Variants in POLR1B observed in about 807,000 individuals in gnomAD.
The protein encoded by POLR1B is DNA-directed RNA polymerase I subunit RPA2.
Under a neutral mutation model 105.8 loss-of-function variants are expected in POLR1B, and 30 were observed. The observed-to-expected ratio is 0.28, with a 90% CI of 0.21 to 0.38. The LOEUF is 0.38. POLR1B is among the 10% of genes least tolerant of loss of function. POLR1B has a pLI of 1.00. For missense variants in POLR1B, 976 were observed against 1,435.8 expected (o/e 0.68, Z 5.17); for synonymous variants, 485 against 505.1 (o/e 0.96, Z 0.53).
In POLR1B at chr2:112,555,605, T is replaced by C. The variant is rs953556085; in HGVS notation, c.1159-2305T>C. 2.0e-5 allele frequency among the ~76,000 whole-genome samples: 3 copies of C among 152,308 alleles called. No homozygotes were observed. The Middle Eastern group carries it at 0.01, about 518-fold the overall frequency. On this transcript the variant is annotated intron_variant, in intron 7 of 14. Transcript: ENST00000263331. ...CGGCGGAGGATGCAGTGTGCTGTGATCACGCCAGTGCACTCCAGCCTAAGT... is the reference window on the plus strand; with the variant it reads ...CGGCGGAGGATGCAGTGTGCTGTGACCACGCCAGTGCACTCCAGCCTAAGT...
At chr2:112,545,083 GT>G (rs1280902194) in intron 1 of POLR1B, among the ~76,000 whole-genome samples, 1 of 152,136 alleles carries the variant, frequency 6.6e-6, no homozygotes, top group African/African-American at 2.4e-5. Flanking sequence ...TTAGTGCCGT[GT>G]TTTGTGCTTT....
intron 14 of POLR1B, 61 bp from the exon 15 acceptor site, chr2:112,574,786 G>T: frequency 1.7e-4 from 166 of 999,956 alleles, no homozygotes; most frequent in Non-Finnish European, 2.2e-4. Flanking sequence ...TTATATCAAT[G>T]AAACTTATCT....
chr2:112,542,211 T>A, upstream of POLR1B: 1 of 1,535,500 alleles, frequency 6.5e-7, no homozygotes, highest in East Asian at 2.4e-5. Context: ...ACCTGCGGCA[T>A]CTTTCGCGAG....
At chr2:112,555,646 T>C (rs2104531594) in intron 7 of POLR1B, among the ~76,000 whole-genome samples, 1 of 152,336 alleles carries the variant, frequency 6.6e-6, no homozygotes, top group Middle Eastern at 3.4e-3. Flanking sequence ...AGCAAGACCC[T>C]GTCTCAACAG....
intron 8 of POLR1B, among the ~76,000 whole-genome samples, chr2:112,558,791 G>T (rs1683805970): frequency 6.6e-6 from 1 of 151,938 alleles, no homozygotes; most frequent in Non-Finnish European, 1.5e-5. Context: ...GCTAATTTTT[G>T]TATTTTTTGT....
At chr2:112,542,070 A>C, upstream of POLR1B, 1 of 1,527,218 alleles carries the variant, frequency 6.5e-7, no homozygotes, top group Non-Finnish European at 8.8e-7. Context: ...GGTCGGCATC[A>C]GCGTGGGACT....
At chr2:112,554,701 G>C (rs929487661) in intron 7 of POLR1B, 1 of 152,036 alleles carries the variant, frequency 6.6e-6, no homozygotes, top group African/African-American at 2.4e-5. Flanking sequence ...TTATAAATGT[G>C]TCTTTATTCC....
rs1335864824 is a variant in POLR1B at position 112,579,513 on chromosome 2, T to G, written c.*3784T>G. Reference sequence around the variant, plus strand: ...GGCTAGTCAAGTGAAGCAGTGGGAGTGGAAAAAGAACAAATAAATCTGTAA... The same window carrying G: ...GGCTAGTCAAGTGAAGCAGTGGGAGGGGAAAAAGAACAAATAAATCTGTAA... On this transcript the variant is annotated 3_prime_UTR_variant, in exon 15 of 15. Transcript: ENST00000263331. 6.6e-6 allele frequency: 1 copy of G among 151,882 alleles called. No homozygotes were observed. The highest frequency in any genetic ancestry group is 1.5e-5 in the Non-Finnish European group (1 of 68,004). 9.4% of individuals were successfully genotyped at this position (151,882 alleles called of 1,614,324 possible). A position where few individuals can be genotyped will look rare whatever the true frequency, so the allele number is the denominator to read the frequency against.
intron 12 of POLR1B, among the ~76,000 whole-genome samples, chr2:112,570,775 T>C (rs1376922464): frequency 1.5e-5 from 1 of 65,018 alleles, no homozygotes; most frequent in Non-Finnish European, 2.6e-5. Flanking sequence ...TTGTTTCTTT[T>C]TTTTTTCTTT....
In POLR1B at chr2:112,564,485, C is replaced by T. The variant is rs1485547381; in HGVS notation, c.1732C>T (p.Leu578Phe). 6.2e-7 allele frequency: 1 copy of T among 1,614,096 alleles called. No individual in the cohort carries two copies. Among genetic ancestry groups the T allele is most frequent in the South Asian group, 1.1e-5 (1 of 91,092 alleles). ...KDLAPGIADS[L>F]RHFKVLREKR... is the part of the protein sequence containing the mutation. ...TCTTGCTCCAGGCATCGCAGATTCTCTTCGTCATTTTAAGGTGGGCTTGAG... is the reference window on the plus strand; with the variant it reads ...TCTTGCTCCAGGCATCGCAGATTCTTTTCGTCATTTTAAGGTGGGCTTGAG... Residue 578 changes from leucine to phenylalanine, a missense_variant, in exon 10 of 15, where the codon CTT becomes TTT. By Grantham distance (22) the Leu-to-Phe change is conservative. Coordinates refer to ENST00000263331, the MANE Select transcript of POLR1B (RefSeq NM_019014.6).
Position 112,551,756 on chromosome 2 carries a change from C to T in POLR1B, c.763-19C>T, listed in dbSNP as rs959860360. ...TTTAGTTATTAGTGAGCAATTAAAC[C>T]TTTTATTTTCTATTCTAGGCACTTG... On this transcript the variant is annotated intron_variant, in intron 5 of 14. Transcript: ENST00000263331. 35 of 1,582,042 alleles carry T rather than the reference C, an allele frequency of 2.2e-5. No individual in the cohort carries two copies. Among genetic ancestry groups the T allele is most frequent in the Non-Finnish European group, 3.0e-5 (35 of 1,157,798 alleles).
chr2:112,567,441 A>G (rs1053608639), intron 10 of POLR1B, among the ~76,000 whole-genome samples: 4 of 151,752 alleles, frequency 2.6e-5, no homozygotes, highest in Non-Finnish European at 5.9e-5. Context: ...GTGCAGTGGC[A>G]TGATCATGGC....
intron 9 of POLR1B, 96 bp downstream of exon 9, chr2:112,559,670 G>A (rs960309356): frequency 2.2e-5 from 32 of 1,438,980 alleles, no homozygotes; most frequent in Middle Eastern, 4.0e-4. Context: ...TTGCTATGTC[G>A]CCCAGGCTGG....
chr2:112,568,812 T>C lies in POLR1B; in HGVS notation c.1984T>C (p.Phe662Leu), dbSNP rs1474161951. 6.2e-7 allele frequency: 1 copy of C among 1,614,170 alleles called. No individual in the cohort carries two copies. ...FAGVTTHQEL[F>L]PHSLLSVIAN... ...TGGAGTTACCACACACCAGGAACTC[T>C]TTCCACACAGCCTGCTGAGTGTGAT... Residue 662 changes from phenylalanine to leucine, a missense_variant, in exon 12 of 15, where the codon TTT becomes CTT. Physicochemically the swap from Phe to Leu is conservative, Grantham distance 22. This residue lies in a region of POLR1B where 184 missense variants were observed against 197.4 expected (regional missense o/e 0.93). Coordinates refer to ENST00000263331, the MANE Select transcript of POLR1B (RefSeq NM_019014.6).
In POLR1B at chr2:112,575,199, G is replaced by C; in HGVS notation, c.2878G>C (p.Glu960Gln). 1 of 1,614,144 alleles carries C rather than the reference G, an allele frequency of 6.2e-7. No homozygotes were observed. The highest frequency in any genetic ancestry group is 8.5e-7 in the Non-Finnish European group (1 of 1,180,036). ...CTTCTCAGAGGAGAACTCGGCCTTA[G>C]AATACTTTGGTGAGATGTTAAAGGC... ...FIFSEENSAL[E>Q]YFGEMLKAAG... The change falls in exon 15 of 15, where the codon GAA becomes CAA. Residue 960 changes from glutamate (E) to glutamine (Q), a missense_variant. Transcript: ENST00000263331. This position sits in a 1 kb window ranked among gnomAD's most constrained non-coding sequence, Gnocchi z 5.3.
chr2:112,558,584 A>G (rs1436482719), intron 8 of POLR1B, among the ~76,000 whole-genome samples: 2 of 152,090 alleles, frequency 1.3e-5, no homozygotes, highest in Non-Finnish European at 2.9e-5. Flanking sequence ...GAATGACCCT[A>G]GAAACTTAAA....
intron 10 of POLR1B, 44 bp downstream of exon 10, chr2:112,564,543 G>A: frequency 6.2e-7 from 1 of 1,612,616 alleles, no homozygotes; most frequent in Non-Finnish European, 8.5e-7. Flanking sequence ...TTGACCTTAG[G>A]TTTTTCAGTT....
intron 1 of POLR1B, among the ~76,000 whole-genome samples, chr2:112,544,185 C>CT: frequency 6.6e-6 from 1 of 152,168 alleles, no homozygotes; most frequent in East Asian, 1.9e-4. Flanking sequence ...AATCCCTGCA[C>CT]TTTGGGAGGT....
chr2:112,577,897 T>C lies in POLR1B; in HGVS notation c.*2168T>C, dbSNP rs561045505. 2.6e-5 allele frequency among the ~76,000 whole-genome samples: 4 copies of C among 151,178 alleles called. No individual in the cohort carries two copies. The highest frequency in any genetic ancestry group is 5.9e-5 in the Non-Finnish European group (4 of 67,944). ...AACCAATTTAATAGAAAAGATAGGC[T>C]TTGCTTCAGGAAGCTGGTTGAGAAG... On this transcript the variant is annotated 3_prime_UTR_variant, in exon 15 of 15. Coordinates refer to ENST00000263331, the MANE Select transcript of POLR1B (RefSeq NM_019014.6).
Sources: gnomAD v4.1 joint callset for allele counts (sites outside exome capture counted in the v4.1 genomes callset) on GRCh38, gnomAD v4.1.1 for gene constraint, gnomAD v4.1.1 regional missense constraint, Gnocchi (gnomAD v3.1) non-coding constraint, MANE v1.5 for transcripts, NCBI Gene and HGNC (gene_info 2026-07-23, HGNC 2026-07-21) for gene names.